LAMA2: variants seen among roughly 807,000 people sequenced by gnomAD.
LAMA2 encodes laminin subunit alpha-2.
A neutral mutation model predicts 364.8 loss-of-function variants in LAMA2; 269 were observed. The ratio of observed to expected loss-of-function variants is 0.74; its 90% confidence interval spans 0.67 to 0.82. The LOEUF (loss-of-function observed/expected upper bound fraction) is 0.82, where lower values mean the gene tolerates loss of function less well. Among genes scored for constraint, LAMA2 ranks in the 40% least tolerant of loss-of-function variants. The pLI, the probability that LAMA2 is intolerant of heterozygous loss-of-function variation, is 0.00. For synonymous variants in LAMA2, 1,379 were observed against 1,370.6 expected, an observed-to-expected ratio of 1.01 and a Z score of -0.14; for missense variants, 3,807 against 3,873.2, an observed-to-expected ratio of 0.98 and a Z score of 0.45.
chr6:129,124,388 G>A (rs965160710), intron 4 of LAMA2, among the ~76,000 whole-genome samples: 2 of 152,180 alleles, frequency 1.3e-5, no homozygotes, highest in African/African-American at 4.8e-5. Flanking sequence ...TCTCCCTCCA[G>A]ATGAGGGGAA....
chr6:129,389,773 C>T (rs1779217821), intron 35 of LAMA2, among the ~76,000 whole-genome samples: 1 of 152,124 alleles, frequency 6.6e-6, no homozygotes, highest in African/African-American at 2.4e-5. Flanking sequence ...TACCTTCGAA[C>T]AACCTGATCT....
chr6:129,401,420 A>G, intron 38 of LAMA2, 80 bp downstream of exon 38: 1 of 868,660 alleles, frequency 1.2e-6, no homozygotes, highest in Non-Finnish European at 2.0e-6. Context: ...ATAGAAGCAA[A>G]TACTAGTACT....
intron 1 of LAMA2, among the ~76,000 whole-genome samples, chr6:128,933,256 G>GTGTC (rs1554328781): frequency 1.3e-5 from 2 of 151,366 alleles, no homozygotes; most frequent in Non-Finnish European, 2.9e-5. Context: ...GTGTGTGTGT[G>GTGTC]TGTGTGTGTC....
chr6:129,053,135 A>G (rs940372464), intron 2 of LAMA2, among the ~76,000 whole-genome samples: 24 of 151,930 alleles, frequency 1.6e-4, no homozygotes, highest in South Asian at 2.1e-4. Context: ...CTGGAGTGCA[A>G]TGGCACGACC....
At chr6:129,207,631 A>T (rs1782763193) in intron 12 of LAMA2, among the ~76,000 whole-genome samples, 1 of 152,120 alleles carries the variant, frequency 6.6e-6, no homozygotes, top group Non-Finnish European at 1.5e-5. Flanking sequence ...TTAAGTAGTT[A>T]CTGAAATTTG....
At chr6:129,072,613 A>T (rs530559598) in intron 3 of LAMA2, among the ~76,000 whole-genome samples, 30 of 152,048 alleles carry the variant, frequency 2.0e-4, no homozygotes, top group Non-Finnish European at 3.5e-4. Flanking sequence ...TGTTTGTCTT[A>T]TCTTTTGCTA....
intron 1 of LAMA2, among the ~76,000 whole-genome samples, chr6:128,975,644 G>C (rs1166163072): frequency 6.6e-6 from 1 of 152,128 alleles, no homozygotes; most frequent in Non-Finnish European, 1.5e-5. Flanking sequence ...ATAGGGGCAG[G>C]TCTTTCCCAT....
chr6:129,512,995 A>AAAAGT (rs1420507116), intron 63 of LAMA2, among the ~76,000 whole-genome samples: 2 of 152,208 alleles, frequency 1.3e-5, no homozygotes, highest in East Asian at 3.8e-4. Flanking sequence ...GCAAATTTAT[A>AAAAGT]AAAGTAGTGT....
intron 44 of LAMA2, among the ~76,000 whole-genome samples, chr6:129,443,674 A>G (rs563497334): frequency 1.3e-5 from 2 of 152,350 alleles, no homozygotes; most frequent in East Asian, 3.9e-4. Flanking sequence ...AACACATAAT[A>G]AAACTAGGTC....
chr6:129,161,865 G>A (rs1779459404), intron 8 of LAMA2, among the ~76,000 whole-genome samples: 3 of 152,100 alleles, frequency 2.0e-5, no homozygotes, highest in Admixed American at 2.0e-4. Flanking sequence ...GTATTCCATG[G>A]TGTATATGTA....
At chr6:128,993,715 G>A (rs1275738193) in intron 1 of LAMA2, among the ~76,000 whole-genome samples, 1 of 152,094 alleles carries the variant, frequency 6.6e-6, no homozygotes, top group Non-Finnish European at 1.5e-5. Context: ...AGAGGGGGAG[G>A]TGGAGAGAGG....
At chr6:129,331,032 C>T (rs1372451750) in intron 29 of LAMA2, among the ~76,000 whole-genome samples, 1 of 151,988 alleles carries the variant, frequency 6.6e-6, no homozygotes, top group African/African-American at 2.4e-5. Flanking sequence ...CCATGCCCGG[C>T]TTCTTTTTTT....
At chr6:129,245,591 C>T (rs1403977367) in intron 12 of LAMA2, among the ~76,000 whole-genome samples, 1 of 152,092 alleles carries the variant, frequency 6.6e-6, no homozygotes, top group African/African-American at 2.4e-5. Context: ...GTATAACTTA[C>T]CAAGACCACT....
intron 1 of LAMA2, among the ~76,000 whole-genome samples, chr6:128,916,386 C>A (rs1778317515): frequency 1.3e-5 from 2 of 152,196 alleles, no homozygotes; most frequent in Middle Eastern, 6.8e-3. Flanking sequence ...AGAGAGAACA[C>A]CAACTGTAGG....
chr6:129,324,422 T>G (rs1775148952), intron 28 of LAMA2, among the ~76,000 whole-genome samples: 1 of 152,212 alleles, frequency 6.6e-6, no homozygotes, highest in Non-Finnish European at 1.5e-5. Context: ...GGTGAGAGAA[T>G]TGAGGCCCAT....
intron 37 of LAMA2, among the ~76,000 whole-genome samples, 199 bp downstream of exon 37, chr6:129,393,454 G>A (rs1040478435): frequency 5.3e-5 from 8 of 151,962 alleles, no homozygotes; most frequent in East Asian, 1.9e-4. Context: ...AGTTACCATC[G>A]CCCAAAGAAT....
At chr6:129,376,068 A>T (rs918550937) in intron 34 of LAMA2, among the ~76,000 whole-genome samples, 25 of 152,202 alleles carry the variant, frequency 1.6e-4, no homozygotes, top group African/African-American at 5.6e-4. Context: ...AGATCCTATC[A>T]TGTCATTCTC....
intron 12 of LAMA2, among the ~76,000 whole-genome samples, chr6:129,207,176 G>A (rs1283335725): frequency 6.6e-6 from 1 of 152,162 alleles, no homozygotes. Flanking sequence ...AAAGAAACGG[G>A]CCCTTCTTTT....
intron 1 of LAMA2, among the ~76,000 whole-genome samples, chr6:128,924,211 TAC>T (rs200425996): frequency 1.3e-3 from 195 of 152,036 alleles, no homozygotes; most frequent in African/African-American, 4.5e-3. Flanking sequence ...CATATATATA[TAC>T]ACACACACAC....
Sources: allele counts gnomAD v4.1 joint callset (sites outside exome capture counted in the v4.1 genomes callset), GRCh38; gene constraint gnomAD v4.1.1; transcripts MANE v1.5; gene names NCBI Gene and HGNC (gene_info 2026-07-23, HGNC 2026-07-21).